The following GFRA1 variants were observed in gnomAD, a reference collection of about 807,000 sequenced individuals.
The protein encoded by GFRA1 is GDNF family receptor alpha 1.
GFRA1 carries 16 observed loss-of-function variants against 51.6 expected under a neutral mutation model. That is an observed-to-expected ratio of 0.31 (90% CI 0.21 to 0.47). GFRA1 has a LOEUF of 0.47. Ranked by LOEUF, GFRA1 falls within the 20% of genes least tolerant of loss-of-function variation. The probability of loss-of-function intolerance (pLI) is 1.00; values close to 1 mark genes in which losing one functional copy is unlikely to be tolerated. For missense variants in GFRA1, 530 were observed against 594.3 expected (o/e 0.89, Z 1.13); for synonymous variants, 270 against 241.3 (o/e 1.12, Z -1.10).
At chr10:116,232,145 C>A (rs926270910) in intron 4 of GFRA1, among the ~76,000 whole-genome samples, 1 of 152,138 alleles carries the variant, frequency 6.6e-6, no homozygotes, top group Non-Finnish European at 1.5e-5. Flanking sequence ...TATGTCAAAC[C>A]ATCCATACTT....
At chr10:116,237,622 C>G (rs903136026) in intron 4 of GFRA1, among the ~76,000 whole-genome samples, 1 of 150,194 alleles carries the variant, frequency 6.7e-6, no homozygotes, top group Non-Finnish European at 1.5e-5. Flanking sequence ...TCTCTTTCTT[C>G]GATACTTCCT....
intron 5 of GFRA1, among the ~76,000 whole-genome samples, chr10:116,153,121 T>C (rs1213182708): frequency 6.6e-6 from 1 of 152,144 alleles, no homozygotes; most frequent in Non-Finnish European, 1.5e-5. Flanking sequence ...GATCAAGAAA[T>C]AGGCTGAGGT....
In GFRA1 at chr10:116,271,011, G is replaced by A. The variant is rs968390; in HGVS notation, c.145C>T (p.Leu49=). The change falls in exon 3 of 11, where the codon CTA becomes TTA. Residue 49 remains leucine, a synonymous_variant. Coordinates refer to ENST00000355422, the MANE Select transcript of GFRA1 (RefSeq NM_005264.8). ...EQSCSTKYRT[L]RQCVAGKETN... ...TCCTTGCCCGCCACGCACTGCCTTAGCGTGCGGTACTTGGTGCTGCAGCTC... is the reference window on the plus strand; with the variant it reads ...TCCTTGCCCGCCACGCACTGCCTTAACGTGCGGTACTTGGTGCTGCAGCTC... 1 of 1,614,184 alleles carries A rather than the reference G, an allele frequency of 6.2e-7. No homozygotes were observed. The highest frequency in any genetic ancestry group is 2.2e-5 in the East Asian group (1 of 44,862).
At chr10:116,067,173 G>A (rs190966715) in intron 9 of GFRA1, among the ~76,000 whole-genome samples, 50 of 152,280 alleles carry the variant, frequency 3.3e-4, no homozygotes, top group African/African-American at 1.1e-3. Flanking sequence ...TGATTCAAAA[G>A]CCTACTTTTA....
chr10:116,064,070 GATCATGATGATCATCATCATGATC>G lies in GFRA1; in HGVS notation c.*304_*327del, dbSNP rs1954968023. 4 of 142,408 alleles carry G rather than the reference GATCATGATGATCATCATCATGATC, an allele frequency of 2.8e-5. No homozygotes were observed. The highest frequency in any genetic ancestry group is 1.5e-4 in the East Asian group (1 of 6,622). 8.8% of individuals were successfully genotyped at this position (142,408 alleles called of 1,614,324 possible). On this transcript the variant is annotated 3_prime_UTR_variant, in exon 11 of 11. Coordinates refer to ENST00000355422, the MANE Select transcript of GFRA1 (RefSeq NM_005264.8). ...TCATGATCATGATGATCATCATCAT[GATCATGATGATCATCATCATGATC>G]ATCATCATCATCGAAAACACAGCCC...
chr10:116,164,322 T>A (rs77439849), intron 5 of GFRA1, among the ~76,000 whole-genome samples: 1 of 146,404 alleles, frequency 6.8e-6, no homozygotes. Flanking sequence ...TGCATTTTCC[T>A]AAAAAAAAAA....
chr10:116,137,914 G>A (rs928364339), intron 5 of GFRA1, among the ~76,000 whole-genome samples: 1 of 152,096 alleles, frequency 6.6e-6, no homozygotes. Flanking sequence ...CAATTCTCCT[G>A]CCTCAGCCTC....
intron 5 of GFRA1, among the ~76,000 whole-genome samples, chr10:116,174,398 T>C (rs1164683900): frequency 4.6e-5 from 7 of 152,218 alleles, no homozygotes; most frequent in Non-Finnish European, 8.8e-5. Flanking sequence ...TAATAACCTA[T>C]AAATTTTAGT....
chr10:116,177,160 A>G (rs1961704859), intron 5 of GFRA1, among the ~76,000 whole-genome samples: 1 of 152,202 alleles, frequency 6.6e-6, no homozygotes, highest in Non-Finnish European at 1.5e-5. Flanking sequence ...ACAGGCTCTG[A>G]TAAGAAATGC....
intron 5 of GFRA1, among the ~76,000 whole-genome samples, chr10:116,192,993 C>T (rs1963408698): frequency 6.6e-6 from 1 of 152,126 alleles, no homozygotes; most frequent in African/African-American, 2.4e-5. Flanking sequence ...CTCCTACCCC[C>T]TCCATCTCTC....
rs183328110 is a variant in GFRA1 at position 116,189,225 on chromosome 10, C to T, written c.433+22406G>A. Reference sequence around the variant, plus strand: ...AGGTGGGATACACCTTCTTCCCCCACGAAGGGCAACTGTTTTGGGGGGCAG... The same window carrying T: ...AGGTGGGATACACCTTCTTCCCCCATGAAGGGCAACTGTTTTGGGGGGCAG... On this transcript the variant is annotated intron_variant, in intron 5 of 10. Transcript: ENST00000355422. Among the ~76,000 whole-genome samples the T allele has an allele frequency of 1.6e-3, 248 of 152,250 alleles. 2 individuals carry two copies. Among genetic ancestry groups the T allele is most frequent in the South Asian group, 6.2e-4 (3 of 4,824 alleles).
chr10:116,228,303 G>T (rs543732352), intron 4 of GFRA1, among the ~76,000 whole-genome samples: 1 of 152,178 alleles, frequency 6.6e-6, no homozygotes, highest in East Asian at 1.9e-4. Context: ...TGATAAGGAA[G>T]TTTAAAGGTG....
Position 116,073,907 on chromosome 10 carries a change from C to T in GFRA1, c.1198-8281G>A, listed in dbSNP as rs146431253. 4.1e-3 allele frequency among the ~76,000 whole-genome samples: 618 copies of T among 152,254 alleles called. 7 individuals carry two copies. Among genetic ancestry groups the T allele is most frequent in the African/African-American group, 0.014 (586 of 41,556 alleles). The stretch of plus-strand genomic sequence containing the variant: ...AACGGACCAGGGGCTTTTGTTCATC[C>T]TCTGGTTCAGAAGACAGAACATGGT... On this transcript the variant is annotated intron_variant, in intron 9 of 10. Transcript: ENST00000355422.
intron 4 of GFRA1, among the ~76,000 whole-genome samples, chr10:116,254,299 G>A (rs1293779597): frequency 2.6e-5 from 3 of 114,486 alleles, no homozygotes; most frequent in African/African-American, 9.8e-5. Flanking sequence ...TCCAGCCTGA[G>A]CAACAAAGAG....
intron 5 of GFRA1, among the ~76,000 whole-genome samples, chr10:116,195,716 A>C (rs560838039): frequency 2.6e-5 from 4 of 152,324 alleles, no homozygotes; most frequent in African/African-American, 9.6e-5. Context: ...ACTGATTGCT[A>C]TATCAGGGAA....
chr10:116,254,994 C>T (rs1414401522), intron 4 of GFRA1, among the ~76,000 whole-genome samples: 2 of 152,184 alleles, frequency 1.3e-5, no homozygotes, highest in East Asian at 3.9e-4. Flanking sequence ...CCTGACCCCA[C>T]GCACAAGGCA....
chr10:116,107,271 G>A (rs769943034), intron 6 of GFRA1, among the ~76,000 whole-genome samples: 35 of 152,100 alleles, frequency 2.3e-4, no homozygotes, highest in Non-Finnish European at 4.1e-4. Context: ...CATCACAGCT[G>A]GTGTCTTCTC....
chr10:116,164,961 A>G (rs974924051), intron 5 of GFRA1, among the ~76,000 whole-genome samples: 3 of 152,200 alleles, frequency 2.0e-5, no homozygotes, highest in African/African-American at 4.8e-5. Context: ...CTTTTTAAGT[A>G]TGTAACCAGC....
At chr10:116,090,422 C>T (rs930660013) in intron 8 of GFRA1, among the ~76,000 whole-genome samples, 2 of 125,252 alleles carry the variant, frequency 1.6e-5, no homozygotes, top group Non-Finnish European at 3.3e-5. Flanking sequence ...CAAAATGGAA[C>T]CAGTTTCTTT....
Sources: gnomAD v4.1 joint callset for allele counts (sites outside exome capture counted in the v4.1 genomes callset) on GRCh38, gnomAD v4.1.1 for gene constraint, MANE v1.5 for transcripts, NCBI Gene and HGNC (gene_info 2026-07-23, HGNC 2026-07-21) for gene names.